SUCLG2: variants seen among roughly 807,000 people sequenced by gnomAD.
SUCLG2 encodes the protein succinate-CoA ligase GDP-forming subunit beta.
In SUCLG2, 42 loss-of-function variants were observed where a neutral mutation model predicts 47.9. The ratio of observed to expected loss-of-function variants is 0.88; its 90% CI spans 0.69 to 1.14. The LOEUF is 1.14. Among genes scored for constraint, SUCLG2 ranks in the 50% most tolerant of loss-of-function variants. The pLI is 0.00. For missense variants in SUCLG2, 571 were observed against 525.9 expected (o/e 1.09, Z -0.84); for synonymous variants, 195 against 197.3 (o/e 0.99, Z 0.10).
At chr3:67,489,320 A>G (rs537423968) in intron 9 of SUCLG2, among the ~76,000 whole-genome samples, 1 of 152,270 alleles carries the variant, frequency 6.6e-6, no homozygotes, top group Admixed American at 6.5e-5. Flanking sequence ...CTGCCGGGGG[A>G]AAAAAGAAAA....
chr3:67,519,911 T>C (rs1234904745), intron 5 of SUCLG2, among the ~76,000 whole-genome samples: 1 of 152,212 alleles, frequency 6.6e-6, no homozygotes, highest in Non-Finnish European at 1.5e-5. Flanking sequence ...GAGAAACTTG[T>C]GCTCTGATTA....
chr3:67,505,753 G>C (rs1705618705), intron 7 of SUCLG2, among the ~76,000 whole-genome samples: 1 of 152,164 alleles, frequency 6.6e-6, no homozygotes, highest in Non-Finnish European at 1.5e-5. Flanking sequence ...CCTGAGGTCA[G>C]GAGTTCGAGA....
chr3:67,425,377 G>A (rs1055510907), intron 9 of SUCLG2, among the ~76,000 whole-genome samples: 16 of 152,078 alleles, frequency 1.1e-4, no homozygotes, highest in African/African-American at 3.9e-4. Flanking sequence ...TGGGATATCC[G>A]GATATCTGGT....
At chr3:67,622,025 A>G (rs1700744969) in intron 1 of SUCLG2, among the ~76,000 whole-genome samples, 2 of 152,200 alleles carry the variant, frequency 1.3e-5, no homozygotes, top group Non-Finnish European at 2.9e-5. Flanking sequence ...CAGTACCTCT[A>G]TCTGCTACAG....
At chr3:67,429,067 C>G (rs1325170876) in intron 9 of SUCLG2, among the ~76,000 whole-genome samples, 1 of 152,172 alleles carries the variant, frequency 6.6e-6, no homozygotes, top group East Asian at 1.9e-4. Flanking sequence ...CCTAGCAAGG[C>G]AGGCCAACAT....
At chr3:67,522,841 T>G (rs1400412005) in intron 4 of SUCLG2, among the ~76,000 whole-genome samples, 1 of 151,982 alleles carries the variant, frequency 6.6e-6, no homozygotes, top group Admixed American at 6.6e-5. Flanking sequence ...TTTTTTTGTA[T>G]TTTTTAGTGG....
rs1178311179 is a variant in SUCLG2 at position 67,375,298 on chromosome 3, A to G, written c.*446T>C. 21 of 982,914 alleles carry G rather than the reference A, an allele frequency of 2.1e-5. No homozygotes were observed. The highest frequency in any genetic ancestry group is 2.5e-5 in the Non-Finnish European group (21 of 827,412). The allele number at this position is 982,914 out of a possible 1,614,324, so 60.9% of individuals were successfully genotyped here. A position where few individuals can be genotyped will look rare whatever the true frequency, so the allele number is the denominator to read the frequency against. The stretch of plus-strand genomic sequence containing the variant: ...TTTAGTAGCTAATATGTTCAGTGTA[A>G]TCTTATGCCTTTTTAGTAATTAATA... On this transcript the variant is annotated 3_prime_UTR_variant, in exon 11 of 11. Coordinates refer to ENST00000307227, the MANE Select transcript of SUCLG2 (RefSeq NM_003848.4).
chr3:67,518,962 T>C (rs1706024389), intron 5 of SUCLG2, among the ~76,000 whole-genome samples: 1 of 152,184 alleles, frequency 6.6e-6, no homozygotes, highest in Admixed American at 6.5e-5. Flanking sequence ...ACTTATTATA[T>C]AATATTAGTG....
intron 1 of SUCLG2, among the ~76,000 whole-genome samples, chr3:67,629,210 A>C (rs1332807355): frequency 6.6e-6 from 1 of 152,202 alleles, no homozygotes; most frequent in Admixed American, 6.5e-5. Context: ...CCAATTATCC[A>C]ACACCAACTG....
At chr3:67,596,393 A>G (rs559729834) in intron 2 of SUCLG2, among the ~76,000 whole-genome samples, 50 of 152,348 alleles carry the variant, frequency 3.3e-4, no homozygotes, top group African/African-American at 1.2e-3. Context: ...AGTTAAGGAC[A>G]AGGTTTCTAT....
At chr3:67,608,442 A>T (rs1359478665) in intron 2 of SUCLG2, among the ~76,000 whole-genome samples, 1 of 152,088 alleles carries the variant, frequency 6.6e-6, no homozygotes, top group Non-Finnish European at 1.5e-5. Context: ...TGCAGTTATC[A>T]TTTCCTTTAT....
intron 10 of SUCLG2, among the ~76,000 whole-genome samples, chr3:67,386,740 G>C (rs1010949850): frequency 2.6e-5 from 4 of 152,170 alleles, no homozygotes; most frequent in Non-Finnish European, 4.4e-5. Context: ...ACAACACGTG[G>C]GGATTATTAC....
In SUCLG2 at chr3:67,409,182, T is replaced by TGGGGAGGGGTCATGAAGGTACA. The variant is rs538922234; in HGVS notation, c.1063-8353_1063-8332dup. Reference sequence around the variant, plus strand: ...TTGGCATTTCCTAGTTAGATGGGGCTGGGGAGGGGTCATGAAGGTACAAGA... The same window carrying TGGGGAGGGGTCATGAAGGTACA: ...TTGGCATTTCCTAGTTAGATGGGGCTGGGGAGGGGTCATGAAGGTACAGGGGAGGGGTCATGAAGGTACAAGA... On this transcript the variant is annotated intron_variant, in intron 9 of 10. Coordinates refer to ENST00000307227, the MANE Select transcript of SUCLG2 (RefSeq NM_003848.4). 7.8e-3 allele frequency: 6,496 copies of TGGGGAGGGGTCATGAAGGTACA among 828,560 alleles called. 95 individuals carry two copies. The highest frequency in any genetic ancestry group is 0.025 in the Admixed American group (898 of 35,492). The allele number at this position is 828,560 out of a possible 1,614,324, so 51.3% of individuals were successfully genotyped here.
At chr3:67,413,188 T>C (rs1702965894) in intron 9 of SUCLG2, among the ~76,000 whole-genome samples, 1 of 152,208 alleles carries the variant, frequency 6.6e-6, no homozygotes, top group South Asian at 2.1e-4. Flanking sequence ...AAAGGCTTTA[T>C]TATCTTGGGT....
chr3:67,631,132 T>C (rs1013700710), intron 1 of SUCLG2, among the ~76,000 whole-genome samples: 2 of 152,170 alleles, frequency 1.3e-5, no homozygotes, highest in Non-Finnish European at 2.9e-5. Context: ...ACTAGCTACT[T>C]GACAGCATTC....
chr3:67,491,230 GAAA>G (rs533129424), intron 9 of SUCLG2, among the ~76,000 whole-genome samples: 2 of 64,166 alleles, frequency 3.1e-5, no homozygotes, highest in African/African-American at 9.5e-5. Flanking sequence ...TAAGTCAGAA[GAAA>G]AAAAAAAAAA....
intron 1 of SUCLG2, among the ~76,000 whole-genome samples, chr3:67,621,653 T>C (rs1018952466): frequency 1.3e-5 from 2 of 151,886 alleles, no homozygotes; most frequent in African/African-American, 4.8e-5. Context: ...GGGAGTGAAA[T>C]CGGTGGCTTT....
chr3:67,588,737 G>C (rs1249517396), intron 2 of SUCLG2, among the ~76,000 whole-genome samples: 3 of 152,102 alleles, frequency 2.0e-5, no homozygotes, highest in African/African-American at 7.2e-5. Context: ...CTTGCCAGGA[G>C]CACCAATGTT....
intron 2 of SUCLG2, among the ~76,000 whole-genome samples, chr3:67,608,166 G>T (rs934034918): frequency 6.6e-6 from 1 of 152,196 alleles, no homozygotes; most frequent in African/African-American, 2.4e-5. Flanking sequence ...TCATGCCCTT[G>T]TCTTTGGTCT....
Sources: gnomAD v4.1 joint callset for allele counts (sites outside exome capture counted in the v4.1 genomes callset) on GRCh38, gnomAD v4.1.1 for gene constraint, MANE v1.5 for transcripts, NCBI Gene and HGNC (gene_info 2026-07-23, HGNC 2026-07-21) for gene names.